TUSC3: variants seen among roughly 807,000 people sequenced by gnomAD.
The protein encoded by TUSC3 is dolichyl-diphosphooligosaccharide--protein glycosyltransferase subunit TUSC3.
A neutral mutation model predicts 44.8 loss-of-function variants in TUSC3; 45 were observed. That is an observed-to-expected ratio of 1.00 (90% CI 0.79 to 1.29). The LOEUF (loss-of-function observed/expected upper bound fraction) is 1.29. Ranked by LOEUF, TUSC3 falls within the 50% of genes most tolerant of loss-of-function variation. The pLI is 0.00. For missense variants in TUSC3, 519 were observed against 437.9 expected, an observed-to-expected ratio of 1.19 and a Z score of -1.65; for synonymous variants, 212 against 152.9, an observed-to-expected ratio of 1.39 and a Z score of -2.85.
chr8:15,806,769 T>G, the TUSC3 span: 2 of 791,228 alleles, frequency 2.5e-6, no homozygotes, highest in East Asian at 4.9e-5. Context: ...CCACCTGCAT[T>G]CTGAATTCAT....
intron 7 of TUSC3, chr8:15,733,543 A>G: frequency 4.3e-6 from 1 of 234,950 alleles, no homozygotes; most frequent in Non-Finnish European, 8.7e-6. Context: ...ATTGACATCA[A>G]GCTGAGATTT....
At chr8:15,475,478 C>T (rs1293480609) in intron 1 of TUSC3, among the ~76,000 whole-genome samples, 4 of 152,190 alleles carry the variant, frequency 2.6e-5, no homozygotes, top group Non-Finnish European at 5.9e-5. Flanking sequence ...GTTTATCTCT[C>T]AGTCTCTTAG....
At chr8:15,453,105 G>A (rs1487583589) in intron 1 of TUSC3, among the ~76,000 whole-genome samples, 1 of 152,214 alleles carries the variant, frequency 6.6e-6, no homozygotes, top group East Asian at 1.9e-4. Context: ...CTAGACTTGA[G>A]AGCTAGTTTC....
the TUSC3 span, among the ~76,000 whole-genome samples, chr8:15,847,361 A>T: frequency 3.9e-5 from 6 of 152,150 alleles, no homozygotes; most frequent in Admixed American, 1.3e-4. Flanking sequence ...GATTCCTCTC[A>T]TAGCCTCTTG....
intron 1 of TUSC3, among the ~76,000 whole-genome samples, chr8:15,582,228 A>G (rs1446913597): frequency 6.6e-6 from 1 of 152,166 alleles, no homozygotes; most frequent in Non-Finnish European, 1.5e-5. Flanking sequence ...TAGTGAGAGA[A>G]ACCTGGTACC....
At chr8:15,535,345 C>T (rs899007820), upstream of TUSC3, among the ~76,000 whole-genome samples, 1 of 152,140 alleles carries the variant, frequency 6.6e-6, no homozygotes, top group South Asian at 2.1e-4. Flanking sequence ...AGTAGAGTGT[C>T]ACTGACAATC....
At chr8:15,696,027 A>G (rs558476959) in intron 6 of TUSC3, among the ~76,000 whole-genome samples, 1 of 152,304 alleles carries the variant, frequency 6.6e-6, no homozygotes, top group East Asian at 1.9e-4. Flanking sequence ...TCTGAGGAGA[A>G]ATTCAAGCCA....
chr8:15,745,241 G>A (rs1413861503), intron 8 of TUSC3, among the ~76,000 whole-genome samples: 2 of 151,946 alleles, frequency 1.3e-5, no homozygotes, highest in Non-Finnish European at 2.9e-5. Context: ...TCATTTTTTT[G>A]CTGATGTGCA....
chr8:15,506,407 C>A (rs926629868), intron 2 of TUSC3, among the ~76,000 whole-genome samples: 6 of 152,188 alleles, frequency 3.9e-5, no homozygotes, highest in Non-Finnish European at 7.3e-5. Context: ...TAAAAACGGA[C>A]CTTCTAAAGG....
intron 1 of TUSC3, among the ~76,000 whole-genome samples, chr8:15,582,272 G>T (rs10113627): frequency 2.0e-5 from 3 of 152,092 alleles, no homozygotes; most frequent in Non-Finnish European, 2.9e-5. Context: ...CCGTCTTCTG[G>T]GTCGCTCACG....
intron 1 of TUSC3, among the ~76,000 whole-genome samples, chr8:15,442,327 AT>A (rs11312531): frequency 0.16 from 24,696 of 151,816 alleles, 2,087 homozygotes; most frequent in Middle Eastern, 0.22. Context: ...TTGAGGAAGT[AT>A]TTTTTTTAAA....
chr8:15,420,313 A>G (rs1281252393), intron 1 of TUSC3, among the ~76,000 whole-genome samples: 2 of 152,078 alleles, frequency 1.3e-5, no homozygotes, highest in Admixed American at 6.6e-5. Context: ...CCTGGCCAAC[A>G]TGGGGAAACC....
intron 2 of TUSC3, among the ~76,000 whole-genome samples, chr8:15,521,002 C>T (rs1428891246): frequency 6.6e-6 from 1 of 152,156 alleles, no homozygotes; most frequent in African/African-American, 2.4e-5. Flanking sequence ...TGTACCACTC[C>T]CTCCCCAAAC....
the TUSC3 span, among the ~76,000 whole-genome samples, chr8:15,802,067 G>A: frequency 2.0e-5 from 3 of 152,150 alleles, no homozygotes; most frequent in African/African-American, 7.2e-5. Context: ...GGAAGCTGCC[G>A]TGCTGTTACA....
chr8:15,790,179 C>CTTTTTTTT, the TUSC3 span, among the ~76,000 whole-genome samples: 67 of 72,254 alleles, frequency 9.3e-4, no homozygotes, highest in East Asian at 1.4e-3. Context: ...TTGTTAAGGC[C>CTTTTTTTT]TTTTTTTTTT....
rs1046603113 is a variant in TUSC3, at chr8:15,436,318, A to G, written n.91+19013A>G. Among the ~76,000 whole-genome samples the G allele has an allele frequency of 3.9e-5, 6 of 152,334 alleles. No individual in the cohort carries two copies. In the South Asian group the frequency reaches 8.3e-4, roughly 21 times the overall value. The stretch of plus-strand genomic sequence containing the variant: ...ATCCCTGCCTCGTGGACTTACATCA[A>G]TGGCAGTTTGTAATGAGAGCATGTG... On this transcript the variant is annotated intron_variant and non_coding_transcript_variant, in intron 1 of 5. Coordinates refer to the TUSC3 transcript ENST00000503191.
At chr8:15,519,190 A>T (rs759493054) in intron 2 of TUSC3, among the ~76,000 whole-genome samples, 2 of 152,188 alleles carry the variant, frequency 1.3e-5, no homozygotes, top group Non-Finnish European at 2.9e-5. Flanking sequence ...GAGAATAATG[A>T]TCATGTTTTA....
intron 6 of TUSC3, among the ~76,000 whole-genome samples, chr8:15,730,356 C>T (rs1252389543): frequency 6.6e-6 from 1 of 151,978 alleles, no homozygotes; most frequent in East Asian, 1.9e-4. Flanking sequence ...ATATTTTGTA[C>T]TTTTGCAATA....
chr8:15,434,437 A>C (rs1185597363), intron 1 of TUSC3, among the ~76,000 whole-genome samples: 1 of 151,766 alleles, frequency 6.6e-6, no homozygotes, highest in East Asian at 1.9e-4. Flanking sequence ...TTTTTTTAGT[A>C]ATGTCTTTCA....
Sources: gnomAD v4.1 joint callset for allele counts (sites outside exome capture counted in the v4.1 genomes callset) on GRCh38, gnomAD v4.1.1 for gene constraint, MANE v1.5 for transcripts, NCBI Gene and HGNC (gene_info 2026-07-23, HGNC 2026-07-21) for gene names.